Variants in AP1G1 observed in about 807,000 individuals in gnomAD.
AP1G1 encodes the protein adaptor related protein complex 1 subunit gamma 1, also known as AP-1 complex subunit gamma-1.
AP1G1 carries 7 observed loss-of-function variants against 108.3 expected under a neutral mutation model. That is an observed-to-expected ratio of 0.06 (90% CI 0.04 to 0.12). The LOEUF (loss-of-function observed/expected upper bound fraction) is 0.12. Among genes scored for constraint, AP1G1 ranks in the 10% least tolerant of loss-of-function variants. AP1G1 has a pLI of 1.00. For missense variants in AP1G1, 756 were observed against 1,010.7 expected (o/e 0.75, Z 3.42); for synonymous variants, 379 against 353.5 (o/e 1.07, Z -0.81).
At chr16:71,744,986 A>G (rs2030095712) in intron 19 of AP1G1, among the ~76,000 whole-genome samples, 158 bp downstream of exon 19, 2 of 152,236 alleles carry the variant, frequency 1.3e-5, no homozygotes. Flanking sequence ...ATTAGTATAC[A>G]ACATATAACC....
At chr16:71,775,512 T>C (rs1470998772) in intron 2 of AP1G1, among the ~76,000 whole-genome samples, 1 of 152,108 alleles carries the variant, frequency 6.6e-6, no homozygotes, top group African/African-American at 2.4e-5. Context: ...TTATAAGAGA[T>C]TAACAAACCA....
At chr16:71,804,792 G>A (rs960148378) in intron 1 of AP1G1, among the ~76,000 whole-genome samples, 1 of 152,082 alleles carries the variant, frequency 6.6e-6, no homozygotes, top group Non-Finnish European at 1.5e-5. Context: ...AGAGGTGGGA[G>A]GACCTCTTGA....
rs367972864 is a variant in AP1G1 at position 71,748,220 on chromosome 16, C to T, written c.1625+31G>A. 10 of 1,583,724 alleles carry T rather than the reference C, an allele frequency of 6.3e-6. No homozygotes were observed. The African/African-American group carries it at 1.2e-4, about 20-fold the overall frequency. On this transcript the variant is annotated intron_variant, in intron 16 of 22. Transcript: ENST00000299980. ...TTTTTGTTTTTTAATTACAAAACAACCTGTTCACCCTATGTTTCTTCAATA... is the reference window on the plus strand; with the variant it reads ...TTTTTGTTTTTTAATTACAAAACAATCTGTTCACCCTATGTTTCTTCAATA...
intron 1 of AP1G1, chr16:71,806,582 C>G: frequency 1.5e-6 from 1 of 672,140 alleles, no homozygotes; most frequent in South Asian, 1.7e-5. Context: ...GCATGAAAAA[C>G]ACTGAGTTAA....
intron 12 of AP1G1, 99 bp from the exon 13 acceptor site, chr16:71,753,986 TC>T: frequency 8.8e-7 from 1 of 1,139,626 alleles, no homozygotes; most frequent in Non-Finnish European, 1.3e-6. Flanking sequence ...ACACCTGTCA[TC>T]CCAACATCTT....
intron 1 of AP1G1, among the ~76,000 whole-genome samples, chr16:71,797,318 T>A (rs557417426): frequency 5.4e-4 from 82 of 152,054 alleles, no homozygotes; most frequent in Non-Finnish European, 1.1e-3. Flanking sequence ...CTATATATAG[T>A]CTGCTATCTT....
intron 1 of AP1G1, among the ~76,000 whole-genome samples, chr16:71,806,088 C>A (rs904525585): frequency 6.6e-6 from 1 of 151,808 alleles, no homozygotes; most frequent in African/African-American, 2.4e-5. Context: ...TGTTTGCATA[C>A]CACTGATTTT....
intron 17 of AP1G1, among the ~76,000 whole-genome samples, chr16:71,746,114 A>G (rs1179122452): frequency 1.3e-5 from 2 of 152,054 alleles, no homozygotes; most frequent in Non-Finnish European, 2.9e-5. Flanking sequence ...GGTTCAAATG[A>G]TTCTCCTGCT....
intron 1 of AP1G1, among the ~76,000 whole-genome samples, chr16:71,792,050 C>G (rs983760067): frequency 2.6e-5 from 4 of 152,148 alleles, no homozygotes; most frequent in African/African-American, 7.2e-5. Context: ...GTGTGAGCCA[C>G]CACGCCAGGC....
chr16:71,768,965 T>TAAAA (rs11374038), intron 6 of AP1G1, among the ~76,000 whole-genome samples: 604 of 71,222 alleles, frequency 8.5e-3, no homozygotes, highest in East Asian at 0.022. Context: ...TTCCTGCCTT[T>TAAAA]AAAAAAAAAA....
At chr16:71,743,308 A>C (rs1372831668) in intron 19 of AP1G1, 2 of 152,218 alleles carry the variant, frequency 1.3e-5, no homozygotes, top group Admixed American at 1.3e-4. Context: ...AGGAAAAAAA[A>C]AAATCAGCCT....
At chr16:71,739,488 T>A in intron 19 of AP1G1, 147 bp from the exon 20 acceptor site, 1 of 607,598 alleles carries the variant, frequency 1.6e-6, no homozygotes, top group Non-Finnish European at 2.8e-6. Flanking sequence ...GAGAAAGAAC[T>A]AAAAACTCAA....
Position 71,749,906 on chromosome 16 carries a change from T to G in AP1G1, c.1485A>C (p.Glu495Asp). The change falls in exon 15 of 23, where the codon GAA becomes GAC. Residue 495 changes from glutamate to aspartate, a missense_variant. Glu to Asp is a conservative substitution (Grantham distance 45, BLOSUM62 2). Around this residue, in one of 3 missense-constraint regions of AP1G1, gnomAD observed 357 missense variants for 366.5 expected, o/e 0.97. Transcript: ENST00000299980. ...DLLVSGQCEE[E>D]EPIQVTEDEV... The stretch of plus-strand genomic sequence containing the variant: ...TGACAAGGAGTACCTGAATAGGCTC[T>G]TCCTCTTCACACTGGCCAGATACAA... The G allele has an allele frequency of 6.2e-7, 1 of 1,607,710 alleles. No homozygotes were observed. Among genetic ancestry groups the G allele is most frequent in the South Asian group, 1.1e-5 (1 of 90,980 alleles).
chr16:71,741,745 T>C (rs1486151155), intron 19 of AP1G1, among the ~76,000 whole-genome samples: 1 of 152,182 alleles, frequency 6.6e-6, no homozygotes, highest in Non-Finnish European at 1.5e-5. Context: ...GTTCTCCTAG[T>C]CTAAAAAATC....
At chr16:71,735,534 T>C (rs1336880670) in intron 21 of AP1G1, among the ~76,000 whole-genome samples, 1 of 151,794 alleles carries the variant, frequency 6.6e-6, no homozygotes, top group Non-Finnish European at 1.5e-5. Context: ...TGGTGGCACA[T>C]GCCTGTAGTC....
chr16:71,781,055 C>T (rs1344023475), intron 2 of AP1G1, among the ~76,000 whole-genome samples: 1 of 152,120 alleles, frequency 6.6e-6, no homozygotes, highest in Non-Finnish European at 1.5e-5. Flanking sequence ...TGTCCTCAAA[C>T]GATCCTTCTG....
intron 1 of AP1G1, among the ~76,000 whole-genome samples, chr16:71,801,279 C>CAAA (rs200168168): frequency 1.5e-5 from 2 of 136,164 alleles, no homozygotes; most frequent in African/African-American, 5.7e-5. Context: ...GACTCCATCT[C>CAAA]AAAAAAAACA....
intron 12 of AP1G1, among the ~76,000 whole-genome samples, chr16:71,754,865 A>G (rs1174318529): frequency 1.3e-5 from 2 of 152,168 alleles, no homozygotes; most frequent in Non-Finnish European, 2.9e-5. Flanking sequence ...TAAGATTGCA[A>G]TAAGAGTTGC....
Position 71,808,422 on chromosome 16 carries a change from C to T in AP1G1, c.-4+341G>A, listed in dbSNP as rs983935512. The T allele has an allele frequency of 1.0e-5, 12 of 1,146,636 alleles. No individual in the cohort carries two copies. In the African/African-American group the frequency reaches 1.6e-4, roughly 16 times the overall value. 71.0% of individuals were successfully genotyped at this position (1,146,636 alleles called of 1,614,324 possible). ...CAGAGAAGACACGCGGGGGTGGGGC[C>T]CGCCCCGCTAAACCCCAGGCTCCCT... On this transcript the variant is annotated intron_variant, in intron 1 of 22. Transcript: ENST00000299980.
Sources: allele counts gnomAD v4.1 joint callset (sites outside exome capture counted in the v4.1 genomes callset), GRCh38; gene constraint gnomAD v4.1.1; regional missense constraint gnomAD v4.1.1; transcripts MANE v1.5; gene names NCBI Gene and HGNC (gene_info 2026-07-23, HGNC 2026-07-21).